The following PAPPA2 variants were observed in gnomAD, a reference collection of about 807,000 sequenced individuals.
PAPPA2 encodes the protein pappalysin-2.
A neutral mutation model predicts 176.4 loss-of-function variants in PAPPA2; 86 were observed. That is an observed-to-expected ratio of 0.49 (90% CI 0.41 to 0.58). PAPPA2 has a LOEUF of 0.58. PAPPA2 is among the 20% of genes least tolerant of loss of function. The pLI, the probability that PAPPA2 is intolerant of heterozygous loss-of-function variation, is 0.00. For synonymous variants in PAPPA2, 809 were observed against 852.2 expected (o/e 0.95, Z 0.88); for missense variants, 2,073 against 2,256.9 (o/e 0.92, Z 1.65).
intron 2 of PAPPA2, among the ~76,000 whole-genome samples, chr1:176,569,725 G>C (rs954562119): frequency 6.6e-6 from 1 of 152,198 alleles, no homozygotes; most frequent in Admixed American, 6.5e-5. Flanking sequence ...CTAGCACCTA[G>C]TGCTTTGTGA....
chr1:176,712,030 TG>T, intron 12 of PAPPA2, 49 bp downstream of exon 12: 1 of 306,268 alleles, frequency 3.3e-6, no homozygotes, highest in South Asian at 9.3e-5. Flanking sequence ...TGTAAGCATA[TG>T]TGTGTGTGTG....
chr1:176,792,620 G>A (rs186114847), intron 19 of PAPPA2, among the ~76,000 whole-genome samples: 1 of 152,196 alleles, frequency 6.6e-6, no homozygotes. Context: ...CCACTAACTC[G>A]TCGGTGGGTG....
intron 3 of PAPPA2, among the ~76,000 whole-genome samples, chr1:176,668,240 T>C (rs1008412109): frequency 3.2e-4 from 49 of 152,178 alleles, no homozygotes; most frequent in Non-Finnish European, 6.8e-4. Context: ...CTCTGAGTCC[T>C]TCAGGGATAC....
rs1379949291 is a variant in PAPPA2 at position 176,595,171 on chromosome 1, A to G, written c.1567A>G (p.Lys523Glu). 1 of 1,614,084 alleles carries G rather than the reference A, an allele frequency of 6.2e-7. No homozygotes were observed. Among genetic ancestry groups the G allele is most frequent in the African/African-American group, 1.3e-5 (1 of 74,926 alleles). The stretch of plus-strand genomic sequence containing the variant: ...TGGATACTGGCCCCTTCGGGGAGAG[A>G]AGGTGATACGCTACCAGGTGGTGAA... ...YNGYWPLRGE[K>E]VIRYQVVNIC... Residue 523 changes from lysine to glutamate, a missense_variant, in exon 3 of 23, where the codon AAG becomes GAG. By Grantham distance (56) the Lys-to-Glu change is moderately conservative (BLOSUM62 1). Around this residue, in one of 4 missense-constraint regions of PAPPA2, gnomAD observed 1,196 missense variants for 1,330.4 expected, o/e 0.90. Transcript: ENST00000367662.
intron 1 of PAPPA2, among the ~76,000 whole-genome samples, chr1:176,537,698 G>A (rs371957917): frequency 4.1e-4 from 61 of 150,376 alleles, no homozygotes; most frequent in African/African-American, 1.4e-3. Flanking sequence ...CAAGATGTCC[G>A]TTTCAAGGCA....
chr1:176,488,465 C>T (rs774370717), intron 1 of PAPPA2, among the ~76,000 whole-genome samples: 2 of 152,188 alleles, frequency 1.3e-5, no homozygotes, highest in Admixed American at 6.5e-5. Flanking sequence ...AGAGTGTCTT[C>T]GAAATTAGAT....
At chr1:176,704,130 G>A (rs936827317) in intron 9 of PAPPA2, among the ~76,000 whole-genome samples, 1 of 152,062 alleles carries the variant, frequency 6.6e-6, no homozygotes, top group African/African-American at 2.4e-5. Flanking sequence ...GAGGATGTGG[G>A]GCTTGAAAGG....
In PAPPA2 at chr1:176,523,002, C is replaced by A. The variant is rs144405146; in HGVS notation, c.-916-32405C>A. On this transcript the variant is annotated intron_variant, in intron 1 of 22. Transcript: ENST00000367662. Reference sequence around the variant, plus strand: ...CTTTTATTGTGCTGGATTCATCAGGCAAGGTTTCCCCTGATACACCAGATA... The same window carrying A: ...CTTTTATTGTGCTGGATTCATCAGGAAAGGTTTCCCCTGATACACCAGATA... Among the ~76,000 whole-genome samples, 610 of 152,126 alleles carry A rather than the reference C, an allele frequency of 4.0e-3. 5 individuals carry two copies. The highest frequency in any genetic ancestry group is 0.014 in the African/African-American group (590 of 41,458).
At chr1:176,502,336 A>G (rs1482757867) in intron 1 of PAPPA2, among the ~76,000 whole-genome samples, 7 of 152,010 alleles carry the variant, frequency 4.6e-5, no homozygotes, top group African/African-American at 1.7e-4. Context: ...GCTATAACAT[A>G]GCTGTGAAGA....
intron 14 of PAPPA2, among the ~76,000 whole-genome samples, chr1:176,755,723 A>C (rs1663384414): frequency 6.6e-6 from 1 of 152,172 alleles, no homozygotes; most frequent in Non-Finnish European, 1.5e-5. Flanking sequence ...ACGCTTGAAC[A>C]GCACATGGAT....
At chr1:176,793,808 G>A (rs1426270485) in intron 20 of PAPPA2, 139 bp downstream of exon 20, 5 of 598,058 alleles carry the variant, frequency 8.4e-6, no homozygotes, top group South Asian at 2.6e-5. Context: ...CTAGAAAGAA[G>A]GATTAAACAT....
chr1:176,643,235 T>C (rs1657200843), intron 3 of PAPPA2, among the ~76,000 whole-genome samples: 1 of 151,892 alleles, frequency 6.6e-6, no homozygotes, highest in African/African-American at 2.4e-5. Flanking sequence ...GTCACATAGC[T>C]AGTAAAAAAT....
intron 21 of PAPPA2, among the ~76,000 whole-genome samples, chr1:176,839,937 C>T (rs1422868392): frequency 1.3e-5 from 2 of 152,106 alleles, no homozygotes; most frequent in Non-Finnish European, 2.9e-5. Flanking sequence ...GTATCTCAGA[C>T]CTTAGAGTAG....
intron 1 of PAPPA2, among the ~76,000 whole-genome samples, chr1:176,526,020 A>T (rs1193426651): frequency 6.6e-6 from 1 of 152,162 alleles, no homozygotes; most frequent in Non-Finnish European, 1.5e-5. Context: ...AGTGACCTGA[A>T]GCTCTTGAGG....
chr1:176,606,241 G>A (rs1017348986), intron 3 of PAPPA2, among the ~76,000 whole-genome samples: 6 of 152,170 alleles, frequency 3.9e-5, no homozygotes, highest in East Asian at 1.9e-4. Context: ...GCAGACATAA[G>A]TTAAACTCTG....
intron 1 of PAPPA2, among the ~76,000 whole-genome samples, chr1:176,528,281 A>G (rs1423637648): frequency 6.6e-6 from 1 of 152,102 alleles, no homozygotes; most frequent in Non-Finnish European, 1.5e-5. Flanking sequence ...AGATTTTTGA[A>G]CTTTCCTATG....
chr1:176,609,128 A>G (rs1309577225), intron 3 of PAPPA2, among the ~76,000 whole-genome samples: 1 of 152,232 alleles, frequency 6.6e-6, no homozygotes. Flanking sequence ...GTAAATGGTT[A>G]GGAAAATTAT....
intron 3 of PAPPA2, among the ~76,000 whole-genome samples, chr1:176,625,281 G>T (rs1655942921): frequency 6.6e-6 from 1 of 152,164 alleles, no homozygotes; most frequent in Admixed American, 6.5e-5. Context: ...GAGTGTCAGA[G>T]TCTTCAGCTA....
At chr1:176,695,966 A>ATATG (rs879222313) in intron 7 of PAPPA2, 107 bp downstream of exon 7, 38 of 865,680 alleles carry the variant, frequency 4.4e-5, no homozygotes, top group Admixed American at 4.6e-5. Flanking sequence ...ATGTATGTGT[A>ATATG]TGTGTGTGTG....
Sources: allele counts gnomAD v4.1 joint callset (sites outside exome capture counted in the v4.1 genomes callset), GRCh38; gene constraint gnomAD v4.1.1; regional missense constraint gnomAD v4.1.1; transcripts MANE v1.5; gene names NCBI Gene and HGNC (gene_info 2026-07-23, HGNC 2026-07-21).